Variants in SDK1 observed in about 807,000 individuals in gnomAD.
SDK1 encodes the protein sidekick cell adhesion molecule 1, also known as protein sidekick-1.
SDK1 carries 157 observed loss-of-function variants against 245.5 expected under a neutral mutation model. The ratio of observed to expected loss-of-function variants is 0.64; its 90% CI spans 0.56 to 0.73. SDK1 has a LOEUF of 0.73. Ranked by LOEUF, SDK1 falls within the 30% of genes least tolerant of loss-of-function variation. SDK1 has a pLI of 0.00. For synonymous variants in SDK1, 1,647 were observed against 1,278.5 expected (o/e 1.29, Z -6.15); for missense variants, 3,583 against 3,002.3 (o/e 1.19, Z -4.52).
intron 23 of SDK1, among the ~76,000 whole-genome samples, chr7:4,112,626 A>T (rs966111341): frequency 3.3e-5 from 5 of 152,222 alleles, no homozygotes; most frequent in Admixed American, 2.0e-4. Flanking sequence ...GCAACTGATG[A>T]CATCAATTTC....
At chr7:3,602,853 A>G (rs1311450652) in intron 1 of SDK1, among the ~76,000 whole-genome samples, 4 of 152,170 alleles carry the variant, frequency 2.6e-5, no homozygotes, top group East Asian at 1.9e-4. Context: ...TAATTTTTGT[A>G]TAAGGTGTAA....
intron 42 of SDK1, among the ~76,000 whole-genome samples, chr7:4,241,131 G>A (rs1786490833): frequency 6.6e-6 from 1 of 152,054 alleles, no homozygotes; most frequent in Admixed American, 6.6e-5. Context: ...CTTTTTTGAA[G>A]TGTGCGGTTC....
chr7:3,639,024 A>G lies in SDK1; in HGVS notation c.479A>G (p.Gln160Arg), dbSNP rs533877612. The G allele has an allele frequency of 7.5e-6, 12 of 1,603,156 alleles. No individual in the cohort carries two copies. The highest frequency in any genetic ancestry group is 1.0e-5 in the Non-Finnish European group (12 of 1,171,780). The change falls in exon 3 of 45, where the codon CAG becomes CGG. Residue 160 changes from glutamine (Q) to arginine (R), a missense_variant. Physicochemically the swap from Gln to Arg is conservative, Grantham distance 43 (BLOSUM62 1). Coordinates refer to ENST00000404826, the MANE Select transcript of SDK1 (RefSeq NM_152744.4). ...AACAGGTACATTATTCCATCTTTGC[A>G]GAAGCTCGATGCTGGGTTTTACCGC... ...SEYKYIIPSL[Q>R]KLDAGFYRCV...
intron 1 of SDK1, among the ~76,000 whole-genome samples, chr7:3,427,113 C>T (rs1779699854): frequency 6.6e-6 from 1 of 152,186 alleles, no homozygotes; most frequent in African/African-American, 2.4e-5. Context: ...ACAGTGGGAG[C>T]AACTCCAGTA....
intron 5 of SDK1, among the ~76,000 whole-genome samples, chr7:3,910,878 C>A (rs911645825): frequency 1.3e-5 from 2 of 152,166 alleles, no homozygotes; most frequent in Non-Finnish European, 2.9e-5. Context: ...TCTGTTGTAT[C>A]CCATAAATGT....
chr7:3,505,468 C>T (rs1391093110), intron 1 of SDK1, among the ~76,000 whole-genome samples: 2 of 152,266 alleles, frequency 1.3e-5, no homozygotes, highest in South Asian at 2.1e-4. Context: ...TTCAGCTGGT[C>T]TCAAACTCCT....
chr7:3,973,658 C>T (rs1225672228), intron 12 of SDK1, among the ~76,000 whole-genome samples: 1 of 151,946 alleles, frequency 6.6e-6, no homozygotes, highest in African/African-American at 2.4e-5. Context: ...CACTCTTGTC[C>T]TCCAGGAGCA....
intron 22 of SDK1, among the ~76,000 whole-genome samples, chr7:4,106,630 C>T (rs1056019427): frequency 1.3e-5 from 2 of 152,212 alleles, no homozygotes; most frequent in Non-Finnish European, 2.9e-5. Context: ...GGTTTCCCAG[C>T]ATCTCTGCAG....
At chr7:3,458,121 C>G (rs1310639827) in intron 1 of SDK1, among the ~76,000 whole-genome samples, 1 of 150,162 alleles carries the variant, frequency 6.7e-6, no homozygotes, top group Non-Finnish European at 1.5e-5. Flanking sequence ...TTGTCTTTTT[C>G]TTTGATGGTT....
intron 28 of SDK1, among the ~76,000 whole-genome samples, chr7:4,139,575 G>A (rs1449961708): frequency 3.6e-5 from 2 of 55,636 alleles, no homozygotes; most frequent in African/African-American, 6.5e-5. Context: ...GTGTATATGT[G>A]TGTGTGTATG....
intron 13 of SDK1, among the ~76,000 whole-genome samples, chr7:3,979,452 G>A (rs1360136491): frequency 6.6e-6 from 1 of 152,124 alleles, no homozygotes; most frequent in East Asian, 1.9e-4. Flanking sequence ...GTGTCTGTTT[G>A]CTGTTGAGCC....
intron 4 of SDK1, among the ~76,000 whole-genome samples, chr7:3,649,920 GA>G (rs1782957838): frequency 6.6e-6 from 1 of 151,806 alleles, no homozygotes; most frequent in Non-Finnish European, 1.5e-5. Flanking sequence ...AACTGAAAGA[GA>G]CTCTGACCCT....
intron 44 of SDK1, among the ~76,000 whole-genome samples, chr7:4,260,896 C>T (rs907266388): frequency 2.6e-5 from 4 of 151,956 alleles, no homozygotes; most frequent in Non-Finnish European, 5.9e-5. Context: ...TCCGGGGTCT[C>T]GGTGTGTGTG....
At position 3,951,727 on chromosome 7, in the gene SDK1, C is replaced by A. The variant is rs780890033; in HGVS notation, c.960-3C>A. On this transcript the variant is annotated splice_region_variant and splice_polypyrimidine_tract_variant and intron_variant, in intron 6 of 44. Coordinates refer to ENST00000404826, the MANE Select transcript of SDK1 (RefSeq NM_152744.4). ...TCGTCATGAATGCCTTTCATTCCCA[C>A]AGGCCTGTGGAGGACCTGAGTGTGA... 3 of 1,612,348 alleles carry A rather than the reference C, an allele frequency of 1.9e-6. No individual in the cohort carries two copies. The highest frequency in any genetic ancestry group is 1.7e-6 in the Non-Finnish European group (2 of 1,179,772).
intron 4 of SDK1, among the ~76,000 whole-genome samples, chr7:3,818,259 A>G (rs771231866): frequency 3.3e-5 from 5 of 152,370 alleles, no homozygotes; most frequent in East Asian, 3.9e-4. Flanking sequence ...TAATTTTTCT[A>G]TGAAGTCAGT....
chr7:3,345,848 C>T (rs553366059), intron 1 of SDK1, among the ~76,000 whole-genome samples: 3 of 152,278 alleles, frequency 2.0e-5, no homozygotes, highest in Non-Finnish European at 2.9e-5. Flanking sequence ...TGATGCAGGT[C>T]ACCCCATCTA....
At chr7:4,085,753 C>G (rs1171485952) in intron 22 of SDK1, among the ~76,000 whole-genome samples, 2 of 152,056 alleles carry the variant, frequency 1.3e-5, no homozygotes, top group African/African-American at 4.8e-5. Context: ...TGGGGTTTCA[C>G]CATGTTGGCC....
At chr7:3,827,549 A>G (rs766890747) in intron 5 of SDK1, among the ~76,000 whole-genome samples, 4 of 152,220 alleles carry the variant, frequency 2.6e-5, no homozygotes, top group Non-Finnish European at 5.9e-5. Flanking sequence ...GGTGTTTTCA[A>G]TCTTTTGCTG....
chr7:3,543,805 A>G (rs963706139), intron 1 of SDK1, among the ~76,000 whole-genome samples: 2 of 152,154 alleles, frequency 1.3e-5, no homozygotes, highest in Non-Finnish European at 2.9e-5. Context: ...GTACGAAAGG[A>G]TGATCTTTTC....
Sources: allele counts gnomAD v4.1 joint callset (sites outside exome capture counted in the v4.1 genomes callset), GRCh38; gene constraint gnomAD v4.1.1; transcripts MANE v1.5; gene names NCBI Gene and HGNC (gene_info 2026-07-23, HGNC 2026-07-21).